The following SSPN variants were observed in gnomAD, a reference collection of about 807,000 sequenced individuals.
SSPN encodes the protein K-ras oncogene-associated protein.
SSPN carries 15 observed loss-of-function variants against 19.1 expected under a neutral mutation model. That is an observed-to-expected ratio of 0.78 (90% CI 0.52 to 1.21). The LOEUF (loss-of-function observed/expected upper bound fraction) is 1.21. SSPN is among the 50% of genes most tolerant of loss of function. The pLI is 0.00. For synonymous variants in SSPN, 147 were observed against 140.3 expected (o/e 1.05, Z -0.34); for missense variants, 291 against 314.0 (o/e 0.93, Z 0.55).
chr12:26,196,067 C>CT lies in SSPN; in HGVS notation c.279+117dup, dbSNP rs1002758130. The CT allele has an allele frequency of 4.4e-5, 40 of 904,492 alleles. No homozygotes were observed. In the African/African-American group the frequency reaches 6.4e-4, roughly 14 times the overall value. The allele number at this position is 904,492 out of a possible 1,614,324, so 56.0% of individuals were successfully genotyped here. A position where few individuals can be genotyped will look rare whatever the true frequency, so the allele number is the denominator to read the frequency against. ...CCCTTCCCCGGGTTCACTCTTCTAA[C>CT]TCGCGCTCTGCTCGGTGACTGATGC... On this transcript the variant is annotated intron_variant, in intron 1 of 2. Transcript: ENST00000242729.
chr12:26,233,467 G>T lies in SSPN; in HGVS notation c.*2391G>T, dbSNP rs1030239147. 2.6e-5 allele frequency: 4 copies of T among 151,718 alleles called. No individual in the cohort carries two copies. The highest frequency in any genetic ancestry group is 6.6e-5 in the Admixed American group (1 of 15,226). 9.4% of individuals were successfully genotyped at this position (151,718 alleles called of 1,614,324 possible). A position where few individuals can be genotyped will look rare whatever the true frequency, so the allele number is the denominator to read the frequency against. ...AAAAAAAATCATAAACAAATAGAAA[G>T]AACTAAACAGAAAAGAAAGAAAGAA... On this transcript the variant is annotated 3_prime_UTR_variant, in exon 3 of 3. Coordinates refer to ENST00000242729, the MANE Select transcript of SSPN (RefSeq NM_005086.5). The surrounding 1 kb of genome is among the most constrained non-coding windows in gnomAD (Gnocchi z 4.3).
intron 1 of SSPN, among the ~76,000 whole-genome samples, chr12:26,126,796 G>A (rs74074409): frequency 6.6e-6 from 1 of 152,222 alleles, no homozygotes; most frequent in African/African-American, 2.4e-5. Flanking sequence ...TGTTTAGAGG[G>A]CCTTTTAAGG....
At chr12:26,145,483 C>A (rs901180169) in intron 1 of SSPN, among the ~76,000 whole-genome samples, 4 of 152,166 alleles carry the variant, frequency 2.6e-5, no homozygotes, top group African/African-American at 9.7e-5. Flanking sequence ...AAGTACAGGG[C>A]AGACAACACA....
At chr12:26,187,514 T>C (rs544508806) in intron 1 of SSPN, among the ~76,000 whole-genome samples, 2 of 152,326 alleles carry the variant, frequency 1.3e-5, no homozygotes, top group African/African-American at 4.8e-5. Flanking sequence ...CAGTGTGAAT[T>C]TCCTACTTAT....
chr12:26,163,032 C>CGTGTGTGTGTGT lies in SSPN; in HGVS notation c.-31+40897_-31+40908dup, dbSNP rs138827156. ...GCTTCAAGACGTGTGTGCTTCAAGA[C>CGTGTGTGTGTGT]GTGTGTGTGTGTGTGTGTGTGTGTG... On this transcript the variant is annotated intron_variant, in intron 1 of 2. Coordinates refer to the SSPN transcript ENST00000538142. Among the ~76,000 whole-genome samples, 535 of 146,058 alleles carry CGTGTGTGTGTGT rather than the reference C, an allele frequency of 3.7e-3. 5 individuals carry two copies. The highest frequency in any genetic ancestry group is 9.4e-3 in the East Asian group (47 of 5,022).
upstream of SSPN, among the ~76,000 whole-genome samples, chr12:26,190,913 G>A (rs1456687084): frequency 1.3e-5 from 2 of 152,054 alleles, no homozygotes; most frequent in African/African-American, 2.4e-5. Context: ...TACTCCTTTC[G>A]AGACAATTCT....
Position 26,195,604 on chromosome 12 carries a change from C to T in SSPN, c.-69C>T. ...CGAATACCAGGGCAGGCCGAGCCAGCCGTGCGCCGCGCTCCAGGGCCCAGG... is the reference window on the plus strand; with the variant it reads ...CGAATACCAGGGCAGGCCGAGCCAGTCGTGCGCCGCGCTCCAGGGCCCAGG... On this transcript the variant is annotated 5_prime_UTR_variant, in exon 1 of 3. Coordinates refer to ENST00000242729, the MANE Select transcript of SSPN (RefSeq NM_005086.5). 1 of 1,342,474 alleles carries T rather than the reference C, an allele frequency of 7.4e-7. No homozygotes were observed. Among genetic ancestry groups the T allele is most frequent in the Non-Finnish European group, 9.5e-7 (1 of 1,053,786 alleles). The allele number at this position is 1,342,474 out of a possible 1,614,324, so 83.2% of individuals were successfully genotyped here.
At chr12:26,175,297 A>G (rs1944677166) in intron 1 of SSPN, among the ~76,000 whole-genome samples, 1 of 152,186 alleles carries the variant, frequency 6.6e-6, no homozygotes, top group Non-Finnish European at 1.5e-5. Flanking sequence ...CTAATGACCA[A>G]TGATACTGAA....
chr12:26,167,879 A>C (rs989314013), intron 1 of SSPN, among the ~76,000 whole-genome samples: 10 of 152,150 alleles, frequency 6.6e-5, no homozygotes, highest in Non-Finnish European at 1.2e-4. Flanking sequence ...CCACTCACTT[A>C]CCTTGCTTTT....
intron 1 of SSPN, among the ~76,000 whole-genome samples, chr12:26,136,155 TA>T (rs1223848072): frequency 6.6e-6 from 1 of 152,242 alleles, no homozygotes. Context: ...TTAGGTGTCA[TA>T]AGTAATCTAG....
intron 1 of SSPN, chr12:26,123,153 T>G (rs761139995): frequency 5.6e-6 from 9 of 1,595,934 alleles, no homozygotes; most frequent in Non-Finnish European, 7.7e-6. Flanking sequence ...AATGGGCGAT[T>G]TCAGAGATCG....
At chr12:26,220,731 C>T (rs1945111262) in intron 1 of SSPN, among the ~76,000 whole-genome samples, 1 of 152,152 alleles carries the variant, frequency 6.6e-6, no homozygotes, top group Non-Finnish European at 1.5e-5. Flanking sequence ...CATTCTGCCC[C>T]TCCTTTTCTA....
In SSPN at chr12:26,232,570, T is replaced by C; in HGVS notation, c.*1494T>C. On this transcript the variant is annotated 3_prime_UTR_variant, in exon 3 of 3. Coordinates refer to ENST00000242729, the MANE Select transcript of SSPN (RefSeq NM_005086.5). ...CTTTACTAATCATGAAATTCTAACC[T>C]AAAAGGAAAACATTTTCCTGCTTGT... 1 of 985,396 alleles carries C rather than the reference T, an allele frequency of 1.0e-6. No individual in the cohort carries two copies. The highest frequency in any genetic ancestry group is 1.2e-6 in the Non-Finnish European group (1 of 829,906). 61.0% of individuals were successfully genotyped at this position (985,396 alleles called of 1,614,324 possible).
At chr12:26,189,116 G>GATA (rs1410216071) in intron 1 of SSPN, among the ~76,000 whole-genome samples, 1 of 151,920 alleles carries the variant, frequency 6.6e-6, no homozygotes, top group Admixed American at 6.6e-5. Context: ...GATTTAAAGA[G>GATA]ATAATATGTA....
chr12:26,145,934 C>A (rs1316308316), intron 1 of SSPN, among the ~76,000 whole-genome samples: 3 of 152,166 alleles, frequency 2.0e-5, no homozygotes, highest in African/African-American at 7.2e-5. Context: ...ACATGTTCAC[C>A]CATTGGCCAC....
Position 26,195,651 on chromosome 12 carries a change from AC to A in SSPN, c.-19del. The A allele has an allele frequency of 1.8e-5, 3 of 166,954 alleles. No homozygotes were observed. The highest frequency in any genetic ancestry group is 1.2e-4 in the South Asian group (2 of 16,132). The allele number at this position is 166,954 out of a possible 1,614,324, so 10.3% of individuals were successfully genotyped here. ...CAGGGCGCCGCACACGCACCCACCC[AC>A]CCACCCAGCCTCGCAGCGCCATGGG... is the stretch of plus-strand genomic sequence containing the variant. On this transcript the variant is annotated 5_prime_UTR_variant, in exon 1 of 3. Transcript: ENST00000242729.
chr12:26,162,907 G>A, intron 1 of SSPN, among the ~76,000 whole-genome samples: 1 of 152,168 alleles, frequency 6.6e-6, no homozygotes. Context: ...TATGAATATA[G>A]AGTAATACCC....
chr12:26,188,300 G>A (rs114274708), intron 1 of SSPN, among the ~76,000 whole-genome samples: 1 of 152,150 alleles, frequency 6.6e-6, no homozygotes, highest in South Asian at 2.1e-4. Flanking sequence ...GACCCACAAG[G>A]CTTTGTCATA....
chr12:26,165,727 G>A (rs1944616765), intron 1 of SSPN, among the ~76,000 whole-genome samples: 2 of 152,138 alleles, frequency 1.3e-5, no homozygotes. Flanking sequence ...GTCCACAAAA[G>A]GAAATCATTT....
Sources: allele counts gnomAD v4.1 joint callset (sites outside exome capture counted in the v4.1 genomes callset), GRCh38; gene constraint gnomAD v4.1.1; non-coding constraint Gnocchi (gnomAD v3.1); transcripts MANE v1.5; gene names NCBI Gene and HGNC (gene_info 2026-07-23, HGNC 2026-07-21).